Variants in PCCA observed in about 807,000 individuals in gnomAD.
PCCA encodes the protein propionyl-CoA carboxylase alpha chain, mitochondrial.
Under a neutral mutation model 101.3 loss-of-function variants are expected in PCCA, and 74 were observed. The observed-to-expected ratio is 0.73, with a 90% CI of 0.61 to 0.89. The LOEUF (loss-of-function observed/expected upper bound fraction) is 0.89. Ranked by LOEUF, PCCA falls within the 40% of genes least tolerant of loss-of-function variation. PCCA has a pLI of 0.00. For synonymous variants in PCCA, 294 were observed against 313.6 expected (o/e 0.94, Z 0.66); for missense variants, 891 against 907.0 (o/e 0.98, Z 0.23).
At chr13:100,469,422 G>A (rs2082808692) in intron 21 of PCCA, among the ~76,000 whole-genome samples, 1 of 152,084 alleles carries the variant, frequency 6.6e-6, no homozygotes, top group Non-Finnish European at 1.5e-5. Context: ...GACTAGAAGT[G>A]AAACCTCATG....
At chr13:100,400,123 T>C (rs1323420683) in intron 19 of PCCA, among the ~76,000 whole-genome samples, 1 of 152,190 alleles carries the variant, frequency 6.6e-6, no homozygotes, top group African/African-American at 2.4e-5. Flanking sequence ...AGTGGGGATA[T>C]GGATAAAACA....
At chr13:100,378,948 C>T (rs1190323028) in intron 19 of PCCA, among the ~76,000 whole-genome samples, 3 of 152,058 alleles carry the variant, frequency 2.0e-5, no homozygotes, top group African/African-American at 7.2e-5. Context: ...GGATCTGTTG[C>T]TGCAGACTTA....
rs111649702 is a variant in PCCA at position 100,363,206 on chromosome 13, T to C, written c.1644-5266T>C. The stretch of plus-strand genomic sequence containing the variant: ...AAAAGTGAGTTTTCCAGTGAATTGC[T>C]GAATTTTTATCTTCCCTGGGAGTTG... On this transcript the variant is annotated intron_variant, in intron 18 of 23. Coordinates refer to ENST00000376285, the MANE Select transcript of PCCA (RefSeq NM_000282.4). Among the ~76,000 whole-genome samples the C allele has an allele frequency of 6.7e-3, 1,028 of 152,320 alleles. 12 individuals are homozygous for C. Among genetic ancestry groups the C allele is most frequent in the African/African-American group, 0.024 (980 of 41,572 alleles).
Position 100,530,348 on chromosome 13 carries a change from TATAA to T in PCCA, c.*186_*189del, listed in dbSNP as rs1188479428. The T allele has an allele frequency of 3.0e-6, 2 of 659,114 alleles. No homozygotes were observed. The highest frequency in any genetic ancestry group is 5.5e-6 in the Non-Finnish European group (2 of 362,442). 40.8% of individuals were successfully genotyped at this position (659,114 alleles called of 1,614,324 possible). ...AATCACCAATGGAAATTTTCATTGA[TATAA>T]ATACTTGTACATATGATTTGTACTT... On this transcript the variant is annotated 3_prime_UTR_variant, in exon 24 of 24. Transcript: ENST00000376285.
chr13:100,224,005 G>T (rs976930549), intron 7 of PCCA, among the ~76,000 whole-genome samples: 1 of 152,258 alleles, frequency 6.6e-6, no homozygotes, highest in Non-Finnish European at 1.5e-5. Context: ...ATCCCGCACC[G>T]GGGCTGCAGG....
At chr13:100,333,287 A>G (rs1349151265) in intron 17 of PCCA, among the ~76,000 whole-genome samples, 1 of 152,228 alleles carries the variant, frequency 6.6e-6, no homozygotes, top group Non-Finnish European at 1.5e-5. Context: ...TGGTAACTAC[A>G]GTTAATCCAG....
Position 100,301,551 on chromosome 13 carries a change from A to C in PCCA, c.1157A>C (p.Gln386Pro). The change falls in exon 13 of 24, where the codon CAA becomes CCA. Residue 386 changes from glutamine (Q) to proline (P), a missense_variant. Physicochemically the swap from Gln to Pro is moderately conservative, Grantham distance 76. Transcript: ENST00000376285. ...AAGGGCTACCCTCTCAGGCACAAAC[A>C]AGCTGATATTCGCATCAACGGCTGG... Reference protein sequence around the residue: ...VAKGYPLRHKQADIRINGWAV... With the variant: ...VAKGYPLRHKPADIRINGWAV... 1 of 1,614,096 alleles carries C rather than the reference A, an allele frequency of 6.2e-7. No individual in the cohort carries two copies. Among genetic ancestry groups the C allele is most frequent in the Non-Finnish European group, 8.5e-7 (1 of 1,179,960 alleles).
intron 18 of PCCA, among the ~76,000 whole-genome samples, chr13:100,352,557 C>CTA (rs1243843782): frequency 2.0e-5 from 3 of 151,232 alleles, no homozygotes; most frequent in Admixed American, 6.6e-5. Flanking sequence ...TAACATTTGG[C>CTA]TATATATATA....
chr13:100,235,811 T>A (rs777834436), intron 7 of PCCA, 31 bp from the exon 8 acceptor site: 3 of 1,546,564 alleles, frequency 1.9e-6, no homozygotes, highest in Non-Finnish European at 2.7e-6. Context: ...CTCATGGGAT[T>A]AATGTTGAGT....
At chr13:100,495,679 A>T (rs1258128843) in intron 21 of PCCA, among the ~76,000 whole-genome samples, 1 of 152,232 alleles carries the variant, frequency 6.6e-6, no homozygotes, top group African/African-American at 2.4e-5. Context: ...ACTTCCAATT[A>T]TCACTCTGTG....
At chr13:100,227,439 A>G (rs1046978357) in intron 7 of PCCA, among the ~76,000 whole-genome samples, 1 of 152,146 alleles carries the variant, frequency 6.6e-6, no homozygotes, top group African/African-American at 2.4e-5. Context: ...TTGTAGCATC[A>G]TCCACCACTC....
chr13:100,171,692 C>T (rs905291656), intron 6 of PCCA, among the ~76,000 whole-genome samples: 2 of 152,066 alleles, frequency 1.3e-5, no homozygotes, highest in Non-Finnish European at 1.5e-5. Flanking sequence ...AGTTCAAGAC[C>T]AGCCTGGGCA....
intron 19 of PCCA, among the ~76,000 whole-genome samples, chr13:100,382,399 G>A (rs1262725437): frequency 1.3e-5 from 2 of 152,260 alleles, no homozygotes; most frequent in Non-Finnish European, 2.9e-5. Context: ...GGCACAGGAT[G>A]AGGTGGGGTG....
chr13:100,210,572 T>C (rs952889336), intron 7 of PCCA, among the ~76,000 whole-genome samples: 1 of 152,212 alleles, frequency 6.6e-6, no homozygotes, highest in Non-Finnish European at 1.5e-5. Context: ...TGCAAACATT[T>C]AGCAAGGGCC....
chr13:100,180,627 C>G (rs1290752466), intron 6 of PCCA, among the ~76,000 whole-genome samples: 1 of 152,164 alleles, frequency 6.6e-6, no homozygotes, highest in Non-Finnish European at 1.5e-5. Context: ...GGTGGCCACT[C>G]TCTTCTGATT....
chr13:100,276,229 AAAAAAAAAAAAAAAAT>A (rs1323918756), intron 12 of PCCA, among the ~76,000 whole-genome samples: 1 of 47,594 alleles, frequency 2.1e-5, no homozygotes, highest in Non-Finnish European at 6.3e-5. Flanking sequence ...AAAAAAAAAA[AAAAAAAAAAAAAAAAT>A]TAGAAATCTT....
intron 21 of PCCA, among the ~76,000 whole-genome samples, chr13:100,468,825 G>A (rs1437590620): frequency 6.6e-6 from 1 of 152,122 alleles, no homozygotes; most frequent in Non-Finnish European, 1.5e-5. Flanking sequence ...AGGAGTTCGA[G>A]ACCAGCCTGG....
chr13:100,205,080 A>G (rs1478056344), intron 6 of PCCA, among the ~76,000 whole-genome samples: 2 of 152,338 alleles, frequency 1.3e-5, no homozygotes, highest in East Asian at 3.9e-4. Context: ...CTTAAAAAGC[A>G]TATTTTTGGA....
chr13:100,356,685 C>G (rs1250855887), intron 18 of PCCA, among the ~76,000 whole-genome samples: 1 of 152,094 alleles, frequency 6.6e-6, no homozygotes, highest in Non-Finnish European at 1.5e-5. Flanking sequence ...TAGACGATTA[C>G]CACATGACCT....
Sources: gnomAD v4.1 joint callset for allele counts (sites outside exome capture counted in the v4.1 genomes callset) on GRCh38, gnomAD v4.1.1 for gene constraint, MANE v1.5 for transcripts, NCBI Gene and HGNC (gene_info 2026-07-23, HGNC 2026-07-21) for gene names.